TMEM87A: variants seen among roughly 807,000 people sequenced by gnomAD.
The protein encoded by TMEM87A is transmembrane protein 87A.
Under a neutral mutation model 90.0 loss-of-function variants are expected in TMEM87A, and 50 were observed. The ratio of observed to expected loss-of-function variants is 0.56; its 90% confidence interval spans 0.44 to 0.70. The LOEUF (loss-of-function observed/expected upper bound fraction) is 0.70, where lower values mean the gene tolerates loss of function less well. Ranked by LOEUF, TMEM87A falls within the 30% of genes least tolerant of loss-of-function variation. TMEM87A has a pLI of 0.00. For missense variants in TMEM87A, 577 were observed against 660.5 expected, an observed-to-expected ratio of 0.87 and a Z score of 1.39; for synonymous variants, 226 against 226.7, an observed-to-expected ratio of 1.00 and a Z score of 0.03.
intron 19 of TMEM87A, 46 bp downstream of exon 19, chr15:42,217,757 T>C (rs1196261182): frequency 6.3e-7 from 1 of 1,593,158 alleles, no homozygotes; most frequent in Non-Finnish European, 8.6e-7. Flanking sequence ...TGACTTTCTA[T>C]TTAGTCACCA....
chr15:42,255,203 G>C (rs2051154812), intron 6 of TMEM87A, among the ~76,000 whole-genome samples: 1 of 151,886 alleles, frequency 6.6e-6, no homozygotes, highest in South Asian at 2.1e-4. Context: ...GCACGATCTT[G>C]GCTCGCCGCT....
intron 6 of TMEM87A, among the ~76,000 whole-genome samples, chr15:42,248,278 T>C (rs1383772399): frequency 6.6e-6 from 1 of 152,202 alleles, no homozygotes; most frequent in Non-Finnish European, 1.5e-5. Flanking sequence ...CTTTCTTTCT[T>C]TCTCTTGCCT....
chr15:42,220,445 G>C (rs755335034), intron 15 of TMEM87A, among the ~76,000 whole-genome samples: 8 of 152,146 alleles, frequency 5.3e-5, no homozygotes, highest in Non-Finnish European at 1.2e-4. Flanking sequence ...TTACTCATAG[G>C]GGTGTTTTGT....
chr15:42,269,674 C>T (rs919009889), intron 2 of TMEM87A, among the ~76,000 whole-genome samples: 6 of 152,074 alleles, frequency 3.9e-5, no homozygotes, highest in African/African-American at 1.2e-4. Context: ...CGGTGGCTCA[C>T]GCCTGTAATC....
intron 7 of TMEM87A, among the ~76,000 whole-genome samples, chr15:42,241,478 A>G (rs1206315628): frequency 6.6e-6 from 1 of 152,232 alleles, no homozygotes; most frequent in Non-Finnish European, 1.5e-5. Context: ...GAGACTGCAT[A>G]TAATACCATA....
intron 6 of TMEM87A, among the ~76,000 whole-genome samples, chr15:42,259,934 T>C (rs1295446395): frequency 6.6e-6 from 1 of 152,126 alleles, no homozygotes; most frequent in South Asian, 2.1e-4. Context: ...TTACTGATTG[T>C]CAGAGGCTGG....
chr15:42,226,732 TC>T (rs2050601769), intron 15 of TMEM87A, 73 bp downstream of exon 15: 6 of 1,273,178 alleles, frequency 4.7e-6, no homozygotes, highest in Non-Finnish European at 5.7e-6. Flanking sequence ...CCTGATACTG[TC>T]CCCCAATGCA....
intron 6 of TMEM87A, among the ~76,000 whole-genome samples, chr15:42,257,048 G>C (rs1181417525): frequency 6.6e-6 from 1 of 152,116 alleles, no homozygotes; most frequent in Non-Finnish European, 1.5e-5. Context: ...CAATTTACAA[G>C]AACAAATTGT....
chr15:42,211,732 G>A lies in TMEM87A; in HGVS notation c.1644C>T (p.His548=). 3 of 1,612,074 alleles carry A rather than the reference G, an allele frequency of 1.9e-6. No homozygotes were observed. Among genetic ancestry groups the A allele is most frequent in the Non-Finnish European group, 1.7e-6 (2 of 1,179,340 alleles). The change falls in exon 20 of 20, where the codon CAC becomes CAT. Residue 548 remains histidine, a synonymous_variant. Coordinates refer to ENST00000389834, the MANE Select transcript of TMEM87A (RefSeq NM_015497.5). ...CTTACTCCATTTTGGACCTTTCAAAGTGTGTGATCATTCGTTCCTAGGGAA... is the reference window on the plus strand; with the variant it reads ...CTTACTCCATTTTGGACCTTTCAAAATGTGTGATCATTCGTTCCTAGGGAA... The part of the protein sequence containing the change: ...LDSDEERMIT[H]FERSKME
intron 19 of TMEM87A, among the ~76,000 whole-genome samples, chr15:42,214,673 CTCAAAATAGATTAAAGACTTAGACAAG>C (rs1350727593): frequency 6.6e-6 from 1 of 152,164 alleles, no homozygotes; most frequent in Non-Finnish European, 1.5e-5. Context: ...CAAAAATCAA[CTCAAAATAGATTAAAGACTTAGACAAG>C]TCAAAATAGA....
chr15:42,267,093 G>A (rs774378918), intron 3 of TMEM87A, among the ~76,000 whole-genome samples: 2 of 152,114 alleles, frequency 1.3e-5, no homozygotes, highest in Non-Finnish European at 2.9e-5. Flanking sequence ...TGAATTTAAC[G>A]GCTTCCAAAA....
At position 42,218,303 on chromosome 15, in the gene TMEM87A, G is replaced by T. The variant is rs376668909; in HGVS notation, c.1595+20C>A. On this transcript the variant is annotated intron_variant, in intron 18 of 19. Coordinates refer to ENST00000389834, the MANE Select transcript of TMEM87A (RefSeq NM_015497.5). ...CTAACTTTGAAATAGGATTCTTGTG[G>T]TAATCATTCAAAAACTTACACATCT... 1.9e-6 allele frequency: 3 copies of T among 1,612,048 alleles called. No individual in the cohort carries two copies. The Admixed American group carries it at 5.0e-5, about 27-fold the overall frequency.
chr15:42,223,323 G>A (rs2140922000), intron 15 of TMEM87A, among the ~76,000 whole-genome samples: 1 of 152,280 alleles, frequency 6.6e-6, no homozygotes, highest in South Asian at 2.1e-4. Flanking sequence ...AGCCCAGGAG[G>A]TGGAGGTTGT....
rs972172679 is a variant in TMEM87A, at chr15:42,239,612, A to C, written c.684+58T>G. On this transcript the variant is annotated intron_variant, in intron 8 of 19. Transcript: ENST00000389834. The stretch of plus-strand genomic sequence containing the variant: ...AAAGAATACTGCCACAAAACATGGG[A>C]CAATCTTTGAACCCAAAACCATCCA... 12 of 1,374,996 alleles carry C rather than the reference A, an allele frequency of 8.7e-6. 1 individual carries two copies. The highest frequency in any genetic ancestry group is 8.5e-5 in the Admixed American group (5 of 58,844). The allele number at this position is 1,374,996 out of a possible 1,614,324, so 85.2% of individuals were successfully genotyped here.
At chr15:42,233,353 C>T (rs570469838) in intron 10 of TMEM87A, 47 bp from the exon 11 acceptor site, 20 of 1,429,122 alleles carry the variant, frequency 1.4e-5, no homozygotes, top group South Asian at 3.5e-5. Flanking sequence ...GGACAAATGC[C>T]GAAACAAGCT....
At chr15:42,272,838 A>C in intron 1 of TMEM87A, 1 of 427,306 alleles carries the variant, frequency 2.3e-6, no homozygotes, top group South Asian at 1.7e-5. Flanking sequence ...CCCAGGGACC[A>C]AGAAGTGCAG....
chr15:42,255,774 TG>T (rs887557128), intron 6 of TMEM87A, among the ~76,000 whole-genome samples: 22 of 151,882 alleles, frequency 1.4e-4, no homozygotes, highest in South Asian at 2.1e-4. Context: ...TATAGATTTT[TG>T]TTTTTTTTTT....
chr15:42,266,492 G>A (rs1000888247), intron 3 of TMEM87A, among the ~76,000 whole-genome samples: 1 of 149,516 alleles, frequency 6.7e-6, no homozygotes, highest in African/African-American at 2.5e-5. Context: ...CTCCAGCCTG[G>A]GTGACAGAGT....
intron 4 of TMEM87A, among the ~76,000 whole-genome samples, chr15:42,263,463 G>A (rs561017878): frequency 1.3e-5 from 2 of 152,130 alleles, no homozygotes; most frequent in Non-Finnish European, 1.5e-5. Context: ...CTAGAGATGG[G>A]GCTCAGCCCG....
Sources: gnomAD v4.1 joint callset for allele counts (sites outside exome capture counted in the v4.1 genomes callset) on GRCh38, gnomAD v4.1.1 for gene constraint, MANE v1.5 for transcripts, NCBI Gene and HGNC (gene_info 2026-07-23, HGNC 2026-07-21) for gene names.